Variants in SLC12A7 observed in about 807,000 individuals in gnomAD.
SLC12A7 encodes the protein solute carrier family 12 member 7, also known as K-Cl cotransporter 4.
A neutral mutation model predicts 120.6 loss-of-function variants in SLC12A7; 100 were observed. The ratio of observed to expected loss-of-function variants is 0.83; its 90% confidence interval spans 0.71 to 0.98. The LOEUF (loss-of-function observed/expected upper bound fraction) is 0.98, where lower values mean the gene tolerates loss of function less well. Ranked by LOEUF, SLC12A7 falls within the 50% of genes least tolerant of loss-of-function variation. The pLI is 0.00. For synonymous variants in SLC12A7, 760 were observed against 678.0 expected (o/e 1.12, Z -1.88); for missense variants, 1,373 against 1,548.1 (o/e 0.89, Z 1.90).
chr5:1,107,661 C>T (rs569175269), intron 1 of SLC12A7, among the ~76,000 whole-genome samples: 25 of 152,320 alleles, frequency 1.6e-4, no homozygotes, highest in Admixed American at 1.6e-3. Context: ...CGACAGCCAT[C>T]CAGACCACGG....
intron 17 of SLC12A7, 69 bp from the exon 18 acceptor site, chr5:1,065,547 G>T: frequency 7.4e-7 from 1 of 1,354,132 alleles, no homozygotes; most frequent in South Asian, 1.5e-5. Flanking sequence ...CACCACCCAC[G>T]GTGGCCAGGG....
the SLC12A7 span, among the ~76,000 whole-genome samples, chr5:1,128,718 CGTGTGTGCATGTATGTGTGCGTGT>C: frequency 2.0e-5 from 3 of 152,324 alleles, no homozygotes; most frequent in East Asian, 3.9e-4. Context: ...CATGTGTGCA[CGTGTGTGCATGTATGTGTGCGTGT>C]GTGTGTGCAT....
intron 12 of SLC12A7, 29 bp downstream of exon 12, chr5:1,077,804 G>T: frequency 6.5e-7 from 1 of 1,539,940 alleles, no homozygotes; most frequent in African/African-American, 1.4e-5. Flanking sequence ...GACCTTCCAG[G>T]GTCCCCCCGA....
intron 22 of SLC12A7, 144 bp from the exon 23 acceptor site, chr5:1,053,626 A>T: frequency 9.0e-7 from 1 of 1,115,496 alleles, no homozygotes; most frequent in Non-Finnish European, 1.2e-6. Context: ...TCTGACCCTG[A>T]AGGATGCAGA....
intron 3 of SLC12A7, among the ~76,000 whole-genome samples, chr5:1,091,049 G>T (rs999928459): frequency 1.3e-5 from 2 of 152,168 alleles, no homozygotes; most frequent in African/African-American, 4.8e-5. Flanking sequence ...ACCCGCCACC[G>T]TCAAACAACA....
intron 15 of SLC12A7, 62 bp downstream of exon 15, chr5:1,075,309 T>G (rs1300485454): frequency 1.9e-6 from 3 of 1,570,914 alleles, no homozygotes; most frequent in Non-Finnish European, 2.6e-6. Context: ...GCCCCAGGCA[T>G]AGCATGAGAG....
the SLC12A7 span, among the ~76,000 whole-genome samples, chr5:1,126,350 A>C: frequency 3.3e-5 from 5 of 152,216 alleles, no homozygotes; most frequent in Non-Finnish European, 5.9e-5. Context: ...CGGCCTCCCA[A>C]AGTGCTGGGA....
At chr5:1,103,018 C>T (rs987742551) in intron 1 of SLC12A7, among the ~76,000 whole-genome samples, 2 of 152,160 alleles carry the variant, frequency 1.3e-5, no homozygotes, top group Admixed American at 6.5e-5. Context: ...TTCCAGGATC[C>T]GAACGCCAGC....
chr5:1,130,642 C>G, the SLC12A7 span, among the ~76,000 whole-genome samples: 2 of 151,522 alleles, frequency 1.3e-5, no homozygotes, highest in African/African-American at 4.9e-5. Flanking sequence ...GGAGGGAGGG[C>G]GTGCTGCATT....
intron 3 of SLC12A7, among the ~76,000 whole-genome samples, chr5:1,089,856 C>T (rs543393851): frequency 2.3e-3 from 357 of 151,996 alleles, no homozygotes; most frequent in Middle Eastern, 6.8e-3. Context: ...CCACTCGGGA[C>T]GGGCCAGGCT....
At chr5:1,076,095 C>T (rs1165903442) in intron 14 of SLC12A7, 43 bp downstream of exon 14, 3 of 1,534,658 alleles carry the variant, frequency 2.0e-6, no homozygotes, top group Non-Finnish European at 2.7e-6. Context: ...CACCCAGTGT[C>T]CCAGCCTGTG....
intron 9 of SLC12A7, among the ~76,000 whole-genome samples, chr5:1,081,092 G>A (rs1431899577): frequency 4.6e-5 from 3 of 64,632 alleles, no homozygotes; most frequent in Middle Eastern, 9.4e-3. Flanking sequence ...AGAGAGAGAG[G>A]GAAAAGGGTA....
rs772851458 is a variant in SLC12A7, at chr5:1,073,735, G to A, written c.2139C>T (p.Ser713=). Residue 713 remains serine, a synonymous_variant, in exon 17 of 24, where the codon TCC becomes TCT. Coordinates refer to ENST00000264930, the MANE Select transcript of SLC12A7 (RefSeq NM_006598.3). The part of the protein sequence containing the change: ...EQAVKHPRLL[S]FTSQLKAGKG... Reference sequence around the variant, plus strand: ...TGCCGGCCTTCAGCTGCGACGTGAAGGACAGCAGGCGGGGGTGCTTCACGG... The same window carrying A: ...TGCCGGCCTTCAGCTGCGACGTGAAAGACAGCAGGCGGGGGTGCTTCACGG... 1.2e-5 allele frequency: 19 copies of A among 1,573,626 alleles called. No homozygotes were observed. In the Admixed American group the frequency reaches 3.3e-4, roughly 28 times the overall value.
At chr5:1,091,814 C>T (rs755745503) in intron 3 of SLC12A7, among the ~76,000 whole-genome samples, 2 of 150,948 alleles carry the variant, frequency 1.3e-5, no homozygotes, top group Admixed American at 6.6e-5. Flanking sequence ...CAGTTCCACA[C>T]CATCCACGTG....
intron 1 of SLC12A7, among the ~76,000 whole-genome samples, chr5:1,110,438 G>C (rs2150913457): frequency 6.6e-6 from 1 of 152,384 alleles, no homozygotes; most frequent in East Asian, 1.9e-4. Flanking sequence ...CCAGGGCACT[G>C]CTCAACAGCC....
chr5:1,078,532 G>A (rs1057495894), intron 11 of SLC12A7, 169 bp downstream of exon 11: 5 of 654,680 alleles, frequency 7.6e-6, no homozygotes, highest in East Asian at 2.7e-5. Context: ...GGCTCCAGCG[G>A]AAGAGACGAC....
chr5:1,095,064 G>GAC (rs1740986199), intron 1 of SLC12A7, among the ~76,000 whole-genome samples: 1 of 134,958 alleles, frequency 7.4e-6, no homozygotes, highest in Non-Finnish European at 1.7e-5. Flanking sequence ...GCCGGTAGGA[G>GAC]GTGGGGCCCG....
chr5:1,130,626 C>CCCCTCACCTCCTT, the SLC12A7 span, among the ~76,000 whole-genome samples: 7 of 151,910 alleles, frequency 4.6e-5, no homozygotes, highest in South Asian at 2.1e-4. Context: ...AGGGTGGGGG[C>CCCCTCACCTCCTT]AGCAGGGAGG....
intron 1 of SLC12A7, 90 bp downstream of exon 1, chr5:1,111,778 C>A: frequency 8.6e-7 from 1 of 1,156,092 alleles, no homozygotes; most frequent in Non-Finnish European, 1.1e-6. Flanking sequence ...GTACCCCCGG[C>A]CCCGCCGCCC....
Sources: gnomAD v4.1 joint callset for allele counts (sites outside exome capture counted in the v4.1 genomes callset) on GRCh38, gnomAD v4.1.1 for gene constraint, MANE v1.5 for transcripts, NCBI Gene and HGNC (gene_info 2026-07-23, HGNC 2026-07-21) for gene names.